The following F10 variants were observed in gnomAD, a reference collection of about 807,000 sequenced individuals.
F10 encodes the protein coagulation factor X.
In F10, 29 loss-of-function variants were observed where a neutral mutation model predicts 37.1. The ratio of observed to expected loss-of-function variants is 0.78; its 90% confidence interval spans 0.58 to 1.07. The LOEUF is 1.07. Ranked by LOEUF, F10 falls within the 50% of genes least tolerant of loss-of-function variation. F10 has a pLI of 0.00. For synonymous variants in F10, 262 were observed against 268.6 expected (o/e 0.98, Z 0.24); for missense variants, 539 against 667.9 (o/e 0.81, Z 2.13).
intron 2 of F10, among the ~76,000 whole-genome samples, chr13:113,135,215 C>T (rs564629903): frequency 6.6e-6 from 1 of 151,812 alleles, no homozygotes. Flanking sequence ...TGCACTCCAG[C>T]CTGGGCAACA....
rs1034400106 is a variant in F10, at chr13:113,141,796, C to G, written c.502+746C>G. 6.6e-6 allele frequency among the ~76,000 whole-genome samples: 1 copy of G among 152,172 alleles called. No homozygotes were observed. Among genetic ancestry groups the G allele is most frequent in the African/African-American group, 2.4e-5 (1 of 41,442 alleles). On this transcript the variant is annotated intron_variant, in intron 5 of 7. Coordinates refer to ENST00000375559, the MANE Select transcript of F10 (RefSeq NM_000504.4). This position sits in a 1 kb window ranked among gnomAD's most constrained non-coding sequence, Gnocchi z 5.4. ...AACCCCACTCCCACTCATAGCTGGC[C>G]CGACCCGCAGCGTTGGCCTCACCCG...
At chr13:113,127,171 A>G (rs1246201864) in intron 1 of F10, among the ~76,000 whole-genome samples, 1 of 152,254 alleles carries the variant, frequency 6.6e-6, no homozygotes, top group East Asian at 1.9e-4. Context: ...AAACAGCTCT[A>G]AGAGTAGATA....
Position 113,143,690 on chromosome 13 carries a change from C to A in F10, c.503-161C>A, listed in dbSNP as rs2036553678. 6.6e-6 allele frequency among the ~76,000 whole-genome samples: 1 copy of A among 152,186 alleles called. No individual in the cohort carries two copies. Among genetic ancestry groups the A allele is most frequent in the Non-Finnish European group, 1.5e-5 (1 of 68,044 alleles). ...CTGCGCTCACCTGCAGATCCGACCC[C>A]TGCCGACGACGTGGGGCCTCGCCCT... On this transcript the variant is annotated intron_variant, in intron 5 of 7. Coordinates refer to ENST00000375559, the MANE Select transcript of F10 (RefSeq NM_000504.4). The surrounding 1 kb of genome is among the most constrained non-coding windows in gnomAD (Gnocchi z 6.8).
chr13:113,143,924 G>A lies in F10; in HGVS notation c.576G>A (p.Gly192=). Residue 192 remains glycine, a synonymous_variant, in exon 6 of 8, where the codon GGG becomes GGA. Transcript: ENST00000375559. The surrounding 1 kb of genome is among the most constrained non-coding windows in gnomAD (Gnocchi z 6.8). ...TGGCCCAGGCCACCAGCAGCAGCGG[G>A]GAGGCCCCTGACAGCATCACATGGA... ...RSVAQATSSS[G]EAPDSITWKP... is the part of the protein sequence containing the mutation. 6.2e-7 allele frequency: 1 copy of A among 1,613,466 alleles called. No individual in the cohort carries two copies. Among genetic ancestry groups the A allele is most frequent in the East Asian group, 2.2e-5 (1 of 44,852 alleles).
intron 2 of F10, among the ~76,000 whole-genome samples, chr13:113,133,491 C>T (rs539891030): frequency 6.6e-6 from 1 of 152,106 alleles, no homozygotes; most frequent in Middle Eastern, 3.2e-3. Context: ...CCACAAGCCA[C>T]CAAAACATAC....
At chr13:113,129,379 C>G (rs2036403098) in intron 1 of F10, 73 bp from the exon 2 acceptor site, 1 of 1,298,920 alleles carries the variant, frequency 7.7e-7, no homozygotes. Flanking sequence ...ACATGGCAGT[C>G]AGGGAGCATA....
intron 1 of F10, among the ~76,000 whole-genome samples, chr13:113,125,076 C>T (rs2036358158): frequency 6.6e-6 from 1 of 152,256 alleles, no homozygotes; most frequent in South Asian, 2.1e-4. Context: ...TAACTAAATA[C>T]ATCACAAAAG....
chr13:113,129,301 G>T, intron 1 of F10, 151 bp from the exon 2 acceptor site: 1 of 963,860 alleles, frequency 1.0e-6, no homozygotes, highest in East Asian at 2.6e-5. Context: ...AGTGAGTTGG[G>T]GGCTTAGAAT....
rs527772414 is a variant in F10 at position 113,141,391 on chromosome 13, T to C, written c.502+341T>C. On this transcript the variant is annotated intron_variant, in intron 5 of 7. Transcript: ENST00000375559. The surrounding 1 kb of genome is among the most constrained non-coding windows in gnomAD (Gnocchi z 5.4). ...GCCCACCGCAGGCCCTCAGTCTGCA[T>C]TGGGACTGTGGGGGGATCCAGTGCA... Among the ~76,000 whole-genome samples the C allele has an allele frequency of 3.9e-5, 6 of 152,274 alleles. 1 individual carries two copies. The highest frequency in any genetic ancestry group is 2.6e-4 in the Admixed American group (4 of 15,306).
At chr13:113,140,070 CATCT>C (rs1022337670) in intron 4 of F10, among the ~76,000 whole-genome samples, 3 of 124,604 alleles carry the variant, frequency 2.4e-5, no homozygotes, top group Non-Finnish European at 3.4e-5. Context: ...CTTAATTGAT[CATCT>C]TTTTTTTTTT....
At chr13:113,124,525 A>C (rs2036352374) in intron 1 of F10, among the ~76,000 whole-genome samples, 1 of 152,030 alleles carries the variant, frequency 6.6e-6, no homozygotes, top group Non-Finnish European at 1.5e-5. Flanking sequence ...TCTCTCCCCT[A>C]CTCTGCCTCA....
rs2036554554 is a variant in F10 at position 113,143,752 on chromosome 13, G to A, written c.503-99G>A. 2 of 1,578,210 alleles carry A rather than the reference G, an allele frequency of 1.3e-6. No homozygotes were observed. The highest frequency in any genetic ancestry group is 1.7e-5 in the Admixed American group (1 of 59,246). On this transcript the variant is annotated intron_variant, in intron 5 of 7. Coordinates refer to ENST00000375559, the MANE Select transcript of F10 (RefSeq NM_000504.4). This position sits in a 1 kb window ranked among gnomAD's most constrained non-coding sequence, Gnocchi z 6.8. Reference sequence around the variant, plus strand: ...GCCCCTCCGGGTGCCCCTGCGCTCTGCCTCCCGGCTCTCTGACTCTTCTCC... The same window carrying A: ...GCCCCTCCGGGTGCCCCTGCGCTCTACCTCCCGGCTCTCTGACTCTTCTCC...
rs1222914859 is a variant in F10 at position 113,141,911 on chromosome 13, C to T, written c.502+861C>T. On this transcript the variant is annotated intron_variant, in intron 5 of 7. Transcript: ENST00000375559. The surrounding 1 kb of genome is among the most constrained non-coding windows in gnomAD (Gnocchi z 5.4). ...TTCCGGCTTCAGGTGCGGCTCAGCCCCCAGACCGTGTTCTGCCCCCGGCTA... is the reference window on the plus strand; with the variant it reads ...TTCCGGCTTCAGGTGCGGCTCAGCCTCCAGACCGTGTTCTGCCCCCGGCTA... Among the ~76,000 whole-genome samples, 1 of 152,210 alleles carries T rather than the reference C, an allele frequency of 6.6e-6. No individual in the cohort carries two copies. Among genetic ancestry groups the T allele is most frequent in the African/African-American group, 2.4e-5 (1 of 41,448 alleles).
At chr13:113,136,285 C>T (rs75903527) in intron 2 of F10, among the ~76,000 whole-genome samples, 2 of 152,032 alleles carry the variant, frequency 1.3e-5, no homozygotes. Context: ...CGTGGGAATG[C>T]AAAATGGCAC....
Position 113,138,350 on chromosome 13 carries a change from T to A in F10, c.232-107T>A, listed in dbSNP as rs547548762. On this transcript the variant is annotated intron_variant, in intron 2 of 7. Transcript: ENST00000375559. ...AATTCATTCCTAAAAGTGACTTCCA[T>A]TGGGGAAAATATCCTATTCAGCTTG... 1.1e-4 allele frequency: 66 copies of A among 611,188 alleles called. 1 individual carries two copies. The highest frequency in any genetic ancestry group is 4.9e-4 in the South Asian group (24 of 48,730). The allele number at this position is 611,188 out of a possible 1,614,324, so 37.9% of individuals were successfully genotyped here. A position where few individuals can be genotyped will look rare whatever the true frequency, so the allele number is the denominator to read the frequency against.
rs142064546 is a variant in F10, at chr13:113,125,538, G to A, written c.70+2613G>A. Among the ~76,000 whole-genome samples the A allele has an allele frequency of 1.2e-4, 19 of 152,374 alleles. No individual in the cohort carries two copies. The East Asian group carries it at 3.1e-3, about 25-fold the overall frequency. On this transcript the variant is annotated intron_variant, in intron 1 of 7. Transcript: ENST00000375559. ...GGATGCTCCATATCAGAGTTCTAGA[G>A]TGTTCCATTAATTTCTTGAGACAAG... is the stretch of plus-strand genomic sequence containing the variant.
chr13:113,129,731 G>A (rs2036410469), intron 2 of F10, 119 bp downstream of exon 2: 1 of 1,338,302 alleles, frequency 7.5e-7, no homozygotes, highest in Admixed American at 1.8e-5. Context: ...GTGCGCGAAG[G>A]CTTTCAGGGG....
chr13:113,135,750 A>G (rs541388331), intron 2 of F10, among the ~76,000 whole-genome samples: 222 of 152,342 alleles, frequency 1.5e-3, no homozygotes, highest in African/African-American at 5.1e-3. Context: ...TTAACACAAT[A>G]TAGATAATAG....
Position 113,139,569 on chromosome 13 carries a change from G to A in F10, c.370+99G>A. On this transcript the variant is annotated intron_variant, in intron 4 of 7. Coordinates refer to ENST00000375559, the MANE Select transcript of F10 (RefSeq NM_000504.4). This position sits in a 1 kb window ranked among gnomAD's most constrained non-coding sequence, Gnocchi z 5.2. ...AAAACGCCTAATGAAACAATCTTAA[G>A]TCATTTCTGATTTACAAAGTCTGGG... 2.2e-6 allele frequency: 2 copies of A among 896,012 alleles called. No individual in the cohort carries two copies. Among genetic ancestry groups the A allele is most frequent in the Middle Eastern group, 4.2e-4 (2 of 4,738 alleles). The allele number at this position is 896,012 out of a possible 1,614,324, so 55.5% of individuals were successfully genotyped here.
Sources: allele counts gnomAD v4.1 joint callset (sites outside exome capture counted in the v4.1 genomes callset), GRCh38; gene constraint gnomAD v4.1.1; non-coding constraint Gnocchi (gnomAD v3.1); transcripts MANE v1.5; gene names NCBI Gene and HGNC (gene_info 2026-07-23, HGNC 2026-07-21).